Variants in RORA observed in about 807,000 individuals in gnomAD.
The protein encoded by RORA is RAR related orphan receptor A, also known as nuclear receptor ROR-alpha.
In RORA, 7 loss-of-function variants were observed where a neutral mutation model predicts 69.5. The observed-to-expected ratio is 0.10, with a 90% CI of 0.06 to 0.19. The LOEUF (loss-of-function observed/expected upper bound fraction) is 0.19. Ranked by LOEUF, RORA falls within the 10% of genes least tolerant of loss-of-function variation. The probability of loss-of-function intolerance (pLI) is 1.00; values close to 1 mark genes in which losing one functional copy is unlikely to be tolerated. For synonymous variants in RORA, 261 were observed against 240.8 expected (o/e 1.08, Z -0.78); for missense variants, 457 against 663.0 (o/e 0.69, Z 3.41).
chr15:60,543,095 T>C (rs773327214), intron 2 of RORA, among the ~76,000 whole-genome samples: 3 of 145,200 alleles, frequency 2.1e-5, no homozygotes, highest in African/African-American at 7.6e-5. Flanking sequence ...ACGGAAAGGA[T>C]ACACAGAACC....
chr15:61,083,589 C>T (rs187383504), intron 1 of RORA, among the ~76,000 whole-genome samples: 20 of 152,040 alleles, frequency 1.3e-4, no homozygotes, highest in Admixed American at 8.5e-4. Flanking sequence ...ACACTGTTGC[C>T]GACTCCACAT....
At chr15:61,205,751 G>A (rs914332506) in intron 1 of RORA, among the ~76,000 whole-genome samples, 31 of 152,310 alleles carry the variant, frequency 2.0e-4, no homozygotes, top group African/African-American at 7.5e-4. Context: ...ACTCCAAGGA[G>A]CTCCATTTGC....
intron 1 of RORA, among the ~76,000 whole-genome samples, chr15:60,971,889 A>AT (rs140127399): frequency 6.1e-4 from 93 of 152,232 alleles, no homozygotes; most frequent in Non-Finnish European, 1.1e-3. Context: ...CCCTCCCACC[A>AT]TTGGGCTGTC....
At chr15:60,659,611 C>T (rs550599852) in intron 2 of RORA, among the ~76,000 whole-genome samples, 3 of 152,308 alleles carry the variant, frequency 2.0e-5, no homozygotes, top group Admixed American at 1.3e-4. Flanking sequence ...AAGAGATCAT[C>T]GTTGACTGCC....
At chr15:61,172,815 A>C (rs2140895121) in intron 1 of RORA, among the ~76,000 whole-genome samples, 1 of 152,254 alleles carries the variant, frequency 6.6e-6, no homozygotes, top group Non-Finnish European at 1.5e-5. Context: ...GGGTCCCCTA[A>C]GGAGCATGTA....
intron 1 of RORA, among the ~76,000 whole-genome samples, chr15:61,113,579 A>C (rs2079025478): frequency 6.6e-6 from 1 of 152,220 alleles, no homozygotes; most frequent in Non-Finnish European, 1.5e-5. Flanking sequence ...AGGTGCCTCC[A>C]GTGCCTGCGG....
chr15:61,039,473 T>C (rs1319589218), intron 1 of RORA, among the ~76,000 whole-genome samples: 1 of 152,016 alleles, frequency 6.6e-6, no homozygotes, highest in Non-Finnish European at 1.5e-5. Flanking sequence ...AACAGATGGT[T>C]GGGAGGCCGA....
At chr15:60,591,642 G>A (rs2068516144) in intron 2 of RORA, among the ~76,000 whole-genome samples, 1 of 152,288 alleles carries the variant, frequency 6.6e-6, no homozygotes, top group South Asian at 2.1e-4. Context: ...CCTGCCCGCG[G>A]ATCCCGTGGG....
At chr15:61,014,499 G>A (rs1370953797) in intron 1 of RORA, among the ~76,000 whole-genome samples, 1 of 152,068 alleles carries the variant, frequency 6.6e-6, no homozygotes, top group Non-Finnish European at 1.5e-5. Context: ...ATTTATTGAG[G>A]TCACTTTGAC....
At chr15:61,190,774 A>C (rs1406735107) in intron 1 of RORA, among the ~76,000 whole-genome samples, 1 of 152,196 alleles carries the variant, frequency 6.6e-6, no homozygotes, top group East Asian at 1.9e-4. Context: ...AGAAAAAAAG[A>C]ATTCAAAGGA....
chr15:60,508,345 GAGTT>G (rs567494801), intron 5 of RORA, among the ~76,000 whole-genome samples: 4 of 152,208 alleles, frequency 2.6e-5, no homozygotes, highest in African/African-American at 4.8e-5. Flanking sequence ...CCTCGCTTCT[GAGTT>G]AGTCACAGAT....
intron 1 of RORA, among the ~76,000 whole-genome samples, chr15:61,032,636 C>T (rs1896232770): frequency 6.6e-6 from 1 of 152,118 alleles, no homozygotes; most frequent in African/African-American, 2.4e-5. Context: ...ATTTTGAAAA[C>T]AATGAAAAGA....
intron 1 of RORA, among the ~76,000 whole-genome samples, chr15:60,973,400 T>TACCCAATTTCTCTGCCACCC (rs1472406115): frequency 6.6e-6 from 1 of 152,178 alleles, no homozygotes; most frequent in Non-Finnish European, 1.5e-5. Flanking sequence ...TCCTGCCACC[T>TACCCAATTTCTCTGCCACCC]ACCCAATTTC....
intron 1 of RORA, among the ~76,000 whole-genome samples, chr15:61,223,520 A>C (rs1038141602): frequency 2.1e-5 from 3 of 145,956 alleles, no homozygotes; most frequent in Non-Finnish European, 4.6e-5. Context: ...AGCATTTAAC[A>C]AAAAAAGAAA....
chr15:60,888,286 A>C (rs1218089458), intron 1 of RORA, among the ~76,000 whole-genome samples: 1 of 152,102 alleles, frequency 6.6e-6, no homozygotes, highest in Non-Finnish European at 1.5e-5. Context: ...TGACCACCCC[A>C]CCTCAGGGGA....
At chr15:60,958,291 C>T (rs1893325475) in intron 1 of RORA, among the ~76,000 whole-genome samples, 1 of 152,142 alleles carries the variant, frequency 6.6e-6, no homozygotes, top group East Asian at 1.9e-4. Context: ...CATCAAATTC[C>T]ATTTCATCTT....
chr15:60,928,639 C>G (rs971649190), intron 1 of RORA, among the ~76,000 whole-genome samples: 1 of 152,122 alleles, frequency 6.6e-6, no homozygotes, highest in Non-Finnish European at 1.5e-5. Context: ...TGAGTTTGTC[C>G]AATTCGACTC....
chr15:60,937,274 ATTC>A (rs1258111105), intron 1 of RORA, among the ~76,000 whole-genome samples: 1 of 152,128 alleles, frequency 6.6e-6, no homozygotes, highest in Non-Finnish European at 1.5e-5. Context: ...CACTCTCTGA[ATTC>A]TTCTAGATAG....
intron 2 of RORA, among the ~76,000 whole-genome samples, chr15:60,624,582 TAC>T (rs371432840): frequency 4.1e-5 from 6 of 148,080 alleles, no homozygotes; most frequent in African/African-American, 5.0e-5. Flanking sequence ...ATATTATATA[TAC>T]ACACACACAC....
Sources: allele counts gnomAD v4.1 joint callset (sites outside exome capture counted in the v4.1 genomes callset), GRCh38; gene constraint gnomAD v4.1.1; transcripts MANE v1.5; gene names NCBI Gene and HGNC (gene_info 2026-07-23, HGNC 2026-07-21).